The following TPGS2 variants were observed in gnomAD, a reference collection of about 807,000 sequenced individuals.
TPGS2 encodes tubulin polyglutamylase complex subunit 2.
Under a neutral mutation model 31.1 loss-of-function variants are expected in TPGS2, and 26 were observed. That is an observed-to-expected ratio of 0.84 (90% CI 0.61 to 1.16). The LOEUF (loss-of-function observed/expected upper bound fraction) is 1.16. Ranked by LOEUF, TPGS2 falls within the 50% of genes most tolerant of loss-of-function variation. The pLI, the probability that TPGS2 is intolerant of heterozygous loss-of-function variation, is 0.00. For missense variants in TPGS2, 351 were observed against 363.8 expected (o/e 0.96, Z 0.29); for synonymous variants, 130 against 136.6 (o/e 0.95, Z 0.34).
downstream of TPGS2, among the ~76,000 whole-genome samples, chr18:36,781,268 C>T (rs964675342): frequency 6.6e-6 from 1 of 152,188 alleles, no homozygotes; most frequent in Non-Finnish European, 1.5e-5. Context: ...GAACCTCTGT[C>T]TCTGAAAACA....
downstream of TPGS2, among the ~76,000 whole-genome samples, chr18:36,780,745 T>C (rs2043990254): frequency 6.6e-6 from 1 of 152,160 alleles, no homozygotes; most frequent in Non-Finnish European, 1.5e-5. Context: ...TAAATATACC[T>C]AAACATAGAA....
At chr18:36,827,239 G>A (rs920469318) in intron 1 of TPGS2, among the ~76,000 whole-genome samples, 2 of 152,006 alleles carry the variant, frequency 1.3e-5, no homozygotes, top group Admixed American at 1.3e-4. Context: ...TATTAAAAGA[G>A]ACACAAATTT....
At chr18:36,816,885 G>A (rs537760767) in intron 2 of TPGS2, among the ~76,000 whole-genome samples, 1 of 152,332 alleles carries the variant, frequency 6.6e-6, no homozygotes, top group South Asian at 2.1e-4. Context: ...GGGATTACAG[G>A]CATGAGCCAC....
chr18:36,828,439 G>C (rs1192768859), intron 1 of TPGS2, among the ~76,000 whole-genome samples: 1 of 152,114 alleles, frequency 6.6e-6, no homozygotes, highest in Non-Finnish European at 1.5e-5. Flanking sequence ...GTGGGACCTT[G>C]GTTGGCGGTG....
At position 36,798,589 on chromosome 18, in the gene TPGS2, T is replaced by A; in HGVS notation, c.517A>T (p.Ile173Phe). 6.2e-7 allele frequency: 1 copy of A among 1,614,064 alleles called. No homozygotes were observed. The change falls in exon 6 of 7, where the codon ATC becomes TTC. Residue 173 changes from isoleucine (I) to phenylalanine (F), a missense_variant. Ile to Phe is a conservative substitution (Grantham distance 21). Transcript: ENST00000334295. The part of the protein sequence containing the change: ...GKPALAEDTE[I>F]WFLDRALYWH... ...TATAACGCTCTGTCCAGGAACCAGATCTCAGTGTCTTCTGCTAATGCTGAA... is the reference window on the plus strand; with the variant it reads ...TATAACGCTCTGTCCAGGAACCAGAACTCAGTGTCTTCTGCTAATGCTGAA...
intron 1 of TPGS2, among the ~76,000 whole-genome samples, chr18:36,825,248 T>A (rs1008066933): frequency 6.6e-6 from 1 of 151,888 alleles, no homozygotes; most frequent in East Asian, 1.9e-4. Context: ...CTGGCTAACA[T>A]GGTGAAACCC....
intron 1 of TPGS2, among the ~76,000 whole-genome samples, chr18:36,828,190 A>G (rs2046274207): frequency 6.6e-6 from 1 of 152,214 alleles, no homozygotes; most frequent in East Asian, 1.9e-4. Flanking sequence ...AAGCAAGCAA[A>G]CAAAGAAATG....
At chr18:36,806,117 A>C (rs2045118139) in intron 3 of TPGS2, 1 of 152,238 alleles carries the variant, frequency 6.6e-6, no homozygotes, top group Non-Finnish European at 1.5e-5. Flanking sequence ...TTAAAGCAAT[A>C]AAACAACCTG....
At chr18:36,807,795 C>T (rs928577491) in intron 3 of TPGS2, 52 bp downstream of exon 3, 54 of 1,559,768 alleles carry the variant, frequency 3.5e-5, no homozygotes, top group Non-Finnish European at 2.7e-5. Context: ...CAGAGTTGTC[C>T]CATTCAATCT....
chr18:36,798,267 A>C (rs1209163931), intron 6 of TPGS2, 182 bp downstream of exon 6: 3 of 1,405,942 alleles, frequency 2.1e-6, no homozygotes, highest in Non-Finnish European at 2.8e-6. Flanking sequence ...CCACTTAACT[A>C]GATGAGTAAA....
At chr18:36,816,119 A>G (rs1043098804) in intron 2 of TPGS2, among the ~76,000 whole-genome samples, 8 of 152,246 alleles carry the variant, frequency 5.3e-5, no homozygotes, top group African/African-American at 1.7e-4. Context: ...TCCCAAATGA[A>G]TATGTCTGAA....
In TPGS2 at chr18:36,805,406, G is replaced by A; in HGVS notation, c.350C>T (p.Thr117Ile). 3 of 1,614,020 alleles carry A rather than the reference G, an allele frequency of 1.9e-6. No individual in the cohort carries two copies. Among genetic ancestry groups the A allele is most frequent in the Non-Finnish European group, 2.5e-6 (3 of 1,179,892 alleles). ...SSMYSLPNAP[T>I]LADLEDDTHE... is the part of the protein sequence containing the mutation. ...TGTATCGTCCTCCAGGTCTGCCAGA[G>A]TGGGTGCATTAGGAAGTGAATACAT... Residue 117 changes from threonine (T) to isoleucine (I), a missense_variant, in exon 4 of 7, where the codon ACT becomes ATT. Thr to Ile is a moderately conservative substitution (Grantham distance 89). Transcript: ENST00000334295.
intron 6 of TPGS2, among the ~76,000 whole-genome samples, chr18:36,783,612 G>A (rs1325426469): frequency 6.6e-6 from 1 of 152,204 alleles, no homozygotes; most frequent in Non-Finnish European, 1.5e-5. Context: ...TGTTAACACA[G>A]TGCAGGGGGA....
chr18:36,804,517 C>G (rs2045012897), intron 4 of TPGS2, among the ~76,000 whole-genome samples: 1 of 152,194 alleles, frequency 6.6e-6, no homozygotes, highest in South Asian at 2.1e-4. Context: ...CCATCACTGT[C>G]TAGCCTCTGC....
intron 2 of TPGS2, among the ~76,000 whole-genome samples, chr18:36,817,976 T>C (rs2045729394): frequency 6.6e-6 from 1 of 152,162 alleles, no homozygotes; most frequent in African/African-American, 2.4e-5. Context: ...ACTTAAAACA[T>C]TTCAATGACT....
chr18:36,790,160 A>G (rs1193030411), downstream of TPGS2: 4 of 152,234 alleles, frequency 2.6e-5, no homozygotes, highest in Admixed American at 2.0e-4. Context: ...ACCTGTGAGT[A>G]TAACCCTGTG....
At chr18:36,801,256 A>C (rs1256962906) in intron 4 of TPGS2, among the ~76,000 whole-genome samples, 1 of 152,236 alleles carries the variant, frequency 6.6e-6, no homozygotes, top group Non-Finnish European at 1.5e-5. Context: ...GGACTTTTTA[A>C]GATCCAGGGA....
At chr18:36,793,739 CT>C (rs60074186), downstream of TPGS2, among the ~76,000 whole-genome samples, 18,273 of 146,120 alleles carry the variant, frequency 0.13, 1,290 homozygotes, top group Admixed American at 0.17. Flanking sequence ...TTTTCTTTTT[CT>C]TTTTTTTTTT....
chr18:36,814,520 A>T (rs1286199289), intron 2 of TPGS2, among the ~76,000 whole-genome samples: 1 of 152,196 alleles, frequency 6.6e-6, no homozygotes, highest in African/African-American at 2.4e-5. Flanking sequence ...GAATCACAAA[A>T]GACTAGATTA....
Sources: allele counts gnomAD v4.1 joint callset (sites outside exome capture counted in the v4.1 genomes callset), GRCh38; gene constraint gnomAD v4.1.1; transcripts MANE v1.5; gene names NCBI Gene and HGNC (gene_info 2026-07-23, HGNC 2026-07-21).